GNAO1: variants seen among roughly 807,000 people sequenced by gnomAD.
GNAO1 encodes the protein G protein subunit alpha o1.
For missense variants in GNAO1, 166 were observed against 478.7 expected (o/e 0.35, Z 6.10); for synonymous variants, 164 against 180.7 (o/e 0.91, Z 0.74).
intron 2 of GNAO1, among the ~76,000 whole-genome samples, chr16:56,210,633 CGTT>C (rs1386982407): frequency 1.3e-5 from 2 of 152,292 alleles, no homozygotes; most frequent in South Asian, 2.1e-4. Flanking sequence ...TGTGGTATCT[CGTT>C]GTTAGAGAAA....
At chr16:56,294,212 C>T (rs2143566814) in intron 3 of GNAO1, among the ~76,000 whole-genome samples, 1 of 152,188 alleles carries the variant, frequency 6.6e-6, no homozygotes, top group Non-Finnish European at 1.5e-5. Context: ...CAGGCAGGCC[C>T]CGTCGCTCTC....
chr16:56,244,520 G>A (rs2036724138), intron 2 of GNAO1, among the ~76,000 whole-genome samples: 1 of 152,070 alleles, frequency 6.6e-6, no homozygotes, highest in Non-Finnish European at 1.5e-5. Flanking sequence ...ATCTGACTCT[G>A]CTTGACAAGA....
intron 6 of GNAO1, chr16:56,345,930 C>T (rs1381123993): frequency 1.7e-5 from 17 of 985,402 alleles, no homozygotes; most frequent in Non-Finnish European, 2.0e-5. Context: ...GGCTGGAGGG[C>T]TCTCCATGTC....
At chr16:56,217,197 A>G (rs1411857898) in intron 2 of GNAO1, among the ~76,000 whole-genome samples, 1 of 152,236 alleles carries the variant, frequency 6.6e-6, no homozygotes, top group Admixed American at 6.5e-5. Context: ...CCTAATAAAT[A>G]AAGGTCCCTG....
intron 6 of GNAO1, chr16:56,347,883 C>A: frequency 1.0e-6 from 1 of 976,562 alleles, no homozygotes; most frequent in Non-Finnish European, 1.2e-6. Flanking sequence ...TCCGCTGGTT[C>A]TGACCCATCC....
intron 6 of GNAO1, among the ~76,000 whole-genome samples, chr16:56,341,740 C>T (rs1307610696): frequency 6.6e-6 from 1 of 152,202 alleles, no homozygotes; most frequent in Non-Finnish European, 1.5e-5. Context: ...GACCAGGGCC[C>T]CTGAGGAGCT....
At chr16:56,203,186 T>C (rs1400019788) in intron 2 of GNAO1, among the ~76,000 whole-genome samples, 2 of 152,034 alleles carry the variant, frequency 1.3e-5, no homozygotes, top group Non-Finnish European at 1.5e-5. Flanking sequence ...GTTGTTTTAC[T>C]CCACCGAGCT....
intron 2 of GNAO1, among the ~76,000 whole-genome samples, chr16:56,258,121 A>G (rs1596825111): frequency 6.6e-6 from 1 of 152,200 alleles, no homozygotes; most frequent in Non-Finnish European, 1.5e-5. Flanking sequence ...CCAGTTTGAG[A>G]CCTCTGCTAC....
chr16:56,208,093 G>A (rs2036346892), intron 2 of GNAO1, among the ~76,000 whole-genome samples: 1 of 151,996 alleles, frequency 6.6e-6, no homozygotes, highest in Non-Finnish European at 1.5e-5. Flanking sequence ...TCCTGGTTTT[G>A]ATATAATTGG....
chr16:56,266,801 A>G (rs2036958095), intron 2 of GNAO1, among the ~76,000 whole-genome samples: 2 of 152,292 alleles, frequency 1.3e-5, no homozygotes, highest in South Asian at 2.1e-4. Flanking sequence ...CCACAGTCCA[A>G]CTGTCAGTGA....
At chr16:56,216,584 C>T (rs189348762) in intron 2 of GNAO1, among the ~76,000 whole-genome samples, 6 of 152,326 alleles carry the variant, frequency 3.9e-5, no homozygotes, top group African/African-American at 1.2e-4. Flanking sequence ...TCTCTGCCAC[C>T]TTGGGGTTTT....
At chr16:56,198,711 A>G (rs1000207238) in intron 2 of GNAO1, among the ~76,000 whole-genome samples, 5 of 152,230 alleles carry the variant, frequency 3.3e-5, no homozygotes, top group South Asian at 4.1e-4. Context: ...TGTAGAAATC[A>G]TTATACAAAT....
chr16:56,236,074 T>C (rs1282812027), intron 2 of GNAO1, among the ~76,000 whole-genome samples: 1 of 152,212 alleles, frequency 6.6e-6, no homozygotes, highest in African/African-American at 2.4e-5. Context: ...CAGTCATTCT[T>C]GGTTTCACTT....
At chr16:56,316,736 A>G (rs1330316710) in intron 3 of GNAO1, among the ~76,000 whole-genome samples, 1 of 152,156 alleles carries the variant, frequency 6.6e-6, no homozygotes, top group African/African-American at 2.4e-5. Flanking sequence ...AGTGGACTGC[A>G]GGCACGGGCA....
intron 2 of GNAO1, among the ~76,000 whole-genome samples, chr16:56,227,015 G>C (rs1442226530): frequency 6.6e-6 from 1 of 152,224 alleles, no homozygotes; most frequent in Non-Finnish European, 1.5e-5. Flanking sequence ...TCAGAGACCA[G>C]ACTCTGCCCT....
chr16:56,313,826 A>G (rs1451816275), intron 3 of GNAO1, among the ~76,000 whole-genome samples: 1 of 152,092 alleles, frequency 6.6e-6, no homozygotes, highest in Non-Finnish European at 1.5e-5. Flanking sequence ...GGCTCAAGCA[A>G]TCCTCCCACC....
In GNAO1 at chr16:56,256,525, T is replaced by C. The variant is rs180843334; in HGVS notation, c.162-19406T>C. Among the ~76,000 whole-genome samples, 16 of 152,332 alleles carry C rather than the reference T, an allele frequency of 1.1e-4. No individual in the cohort carries two copies. The East Asian group carries it at 3.1e-3, about 29-fold the overall frequency. On this transcript the variant is annotated intron_variant, in intron 2 of 8. Transcript: ENST00000262493. ...GTTTTTCAGCCTTGTTTCCCGCATG[T>C]ACCCCCATCTGCCCAAAGGCCTCAG...
intron 3 of GNAO1, chr16:56,300,622 C>T (rs2037335531): frequency 6.6e-6 from 1 of 152,230 alleles, no homozygotes; most frequent in African/African-American, 2.4e-5. Context: ...CCAAATGCTT[C>T]CCTGGGTAAA....
intron 3 of GNAO1, among the ~76,000 whole-genome samples, chr16:56,325,579 G>T (rs1042667138): frequency 6.6e-6 from 1 of 152,150 alleles, no homozygotes; most frequent in South Asian, 2.1e-4. Context: ...GCGACTCTCA[G>T]ACCCCAGTGG....
Sources: gnomAD v4.1 joint callset for allele counts (sites outside exome capture counted in the v4.1 genomes callset) on GRCh38, gnomAD v4.1.1 for gene constraint, MANE v1.5 for transcripts, NCBI Gene and HGNC (gene_info 2026-07-23, HGNC 2026-07-21) for gene names.